The following LINGO2 variants were observed in gnomAD, a reference collection of about 807,000 sequenced individuals.
LINGO2 encodes leucine-rich repeat and immunoglobulin-like domain-containing nogo receptor-interacting protein 2.
LINGO2 carries 14 observed loss-of-function variants against 30.6 expected under a neutral mutation model. The observed-to-expected ratio is 0.46, with a 90% confidence interval of 0.30 to 0.72. The LOEUF is 0.72. Ranked by LOEUF, LINGO2 falls within the 30% of genes least tolerant of loss-of-function variation. The pLI, the probability that LINGO2 is intolerant of heterozygous loss-of-function variation, is 0.07. For synonymous variants in LINGO2, 317 were observed against 288.5 expected (o/e 1.10, Z -1.00); for missense variants, 729 against 751.7 (o/e 0.97, Z 0.35).
At chr9:28,675,407 A>G in the LINGO2 span, among the ~76,000 whole-genome samples, 3 of 152,254 alleles carry the variant, frequency 2.0e-5, no homozygotes, top group Admixed American at 6.5e-5. Flanking sequence ...CGTGATTGTT[A>G]AATAAAAGTC....
the LINGO2 span, among the ~76,000 whole-genome samples, chr9:28,847,827 A>G: frequency 0.023 from 877 of 38,530 alleles, 67 homozygotes; most frequent in African/African-American, 0.061. Flanking sequence ...ATACATATAT[A>G]TGTATAGTAT....
chr9:28,851,487 C>CTAACCT, the LINGO2 span, among the ~76,000 whole-genome samples: 1 of 152,010 alleles, frequency 6.6e-6, no homozygotes, highest in African/African-American at 2.4e-5. Flanking sequence ...AAGGTCAGCC[C>CTAACCT]TAACCTTAAA....
chr9:28,147,989 G>A lies in LINGO2; in HGVS notation c.-86-135584C>T, dbSNP rs1827863901. On this transcript the variant is annotated intron_variant, in intron 4 of 5. Transcript: ENST00000379992. This position sits in a 1 kb window ranked among gnomAD's most constrained non-coding sequence, Gnocchi z 4.7. ...GTCTGTGCACAACTCACTCAAAATG[G>A]GCAACTCATTAAGCATATTTTGTTC... Among the ~76,000 whole-genome samples, 1 of 152,152 alleles carries A rather than the reference G, an allele frequency of 6.6e-6. No individual in the cohort carries two copies. Among genetic ancestry groups the A allele is most frequent in the South Asian group, 2.1e-4 (1 of 4,826 alleles).
chr9:28,086,470 A>G (rs969223235), intron 4 of LINGO2, among the ~76,000 whole-genome samples: 14 of 152,226 alleles, frequency 9.2e-5, no homozygotes, highest in Non-Finnish European at 7.4e-5. Flanking sequence ...AGCTTTCCTC[A>G]TTTGAAACAA....
chr9:29,168,353 A>G, the LINGO2 span, among the ~76,000 whole-genome samples: 1 of 152,148 alleles, frequency 6.6e-6, no homozygotes, highest in African/African-American at 2.4e-5. Context: ...ATTGTCTCAC[A>G]TTTTCCTTGC....
chr9:28,808,321 G>T, the LINGO2 span, among the ~76,000 whole-genome samples: 5 of 152,246 alleles, frequency 3.3e-5, no homozygotes, highest in African/African-American at 1.2e-4. Context: ...ATCTTAAACT[G>T]ATTTCATTGC....
At chr9:29,084,341 T>C in the LINGO2 span, among the ~76,000 whole-genome samples, 1 of 152,094 alleles carries the variant, frequency 6.6e-6, no homozygotes, top group African/African-American at 2.4e-5. Context: ...TAGAAAGATA[T>C]GTCCCATGAC....
chr9:28,750,265 TC>T, the LINGO2 span, among the ~76,000 whole-genome samples: 30 of 152,290 alleles, frequency 2.0e-4, no homozygotes, highest in African/African-American at 6.7e-4. Flanking sequence ...ATTTCATTTT[TC>T]ATTTGCTTTC....
chr9:28,714,489 G>A, the LINGO2 span, among the ~76,000 whole-genome samples: 1 of 152,006 alleles, frequency 6.6e-6, no homozygotes, highest in African/African-American at 2.4e-5. Flanking sequence ...ATATTCTCAT[G>A]AGCCCTACTG....
At chr9:29,067,764 A>C in the LINGO2 span, among the ~76,000 whole-genome samples, 1 of 150,920 alleles carries the variant, frequency 6.6e-6, no homozygotes, top group African/African-American at 2.4e-5. Context: ...TGAAAAAAAA[A>C]AAAAAACCCA....
At chr9:28,036,821 AAAG>A (rs1328176739) in intron 4 of LINGO2, among the ~76,000 whole-genome samples, 1 of 152,264 alleles carries the variant, frequency 6.6e-6, no homozygotes, top group Non-Finnish European at 1.5e-5. Context: ...AGAAAATTCA[AAAG>A]AAGCAGGAGA....
intron 5 of LINGO2, among the ~76,000 whole-genome samples, chr9:27,978,447 AGGGTGAAGT>A (rs1168594775): frequency 5.9e-5 from 9 of 152,024 alleles, no homozygotes; most frequent in Non-Finnish European, 1.3e-4. Context: ...TTAGGTCATG[AGGGTGAAGT>A]CCTAATGAAT....
At chr9:28,478,995 A>C (rs1379327806) in intron 1 of LINGO2, among the ~76,000 whole-genome samples, 1 of 152,008 alleles carries the variant, frequency 6.6e-6, no homozygotes, top group Non-Finnish European at 1.5e-5. Context: ...CCTATAATAC[A>C]TTGTGGTAAA....
At chr9:28,638,836 C>G (rs370377907) in intron 1 of LINGO2, among the ~76,000 whole-genome samples, 1 of 152,054 alleles carries the variant, frequency 6.6e-6, no homozygotes, top group East Asian at 1.9e-4. Context: ...CTGCTCTGAT[C>G]TTAGTTATTT....
chr9:29,054,984 C>T, the LINGO2 span, among the ~76,000 whole-genome samples: 6 of 151,940 alleles, frequency 3.9e-5, no homozygotes, highest in African/African-American at 1.5e-4. Flanking sequence ...TTAGGGAGGC[C>T]GAGGCAGGTG....
the LINGO2 span, among the ~76,000 whole-genome samples, chr9:29,184,517 G>A: frequency 5.3e-5 from 8 of 152,100 alleles, no homozygotes; most frequent in East Asian, 1.9e-4. Flanking sequence ...ACTAAAGCAC[G>A]AGACAATTTC....
chr9:28,770,352 T>C, the LINGO2 span, among the ~76,000 whole-genome samples: 1 of 152,160 alleles, frequency 6.6e-6, no homozygotes, highest in Non-Finnish European at 1.5e-5. Context: ...TTACAAGTCT[T>C]CAGTCTCCCC....
chr9:28,915,655 T>C, the LINGO2 span, among the ~76,000 whole-genome samples: 1 of 152,166 alleles, frequency 6.6e-6, no homozygotes. Flanking sequence ...TAAGGGTACA[T>C]GAAGAATGCT....
At chr9:28,751,814 C>A in the LINGO2 span, among the ~76,000 whole-genome samples, 1 of 151,950 alleles carries the variant, frequency 6.6e-6, no homozygotes, top group African/African-American at 2.4e-5. Flanking sequence ...TTGGCTCCAC[C>A]TGGCCATCAC....
Sources: gnomAD v4.1 joint callset for allele counts (sites outside exome capture counted in the v4.1 genomes callset) on GRCh38, gnomAD v4.1.1 for gene constraint, Gnocchi (gnomAD v3.1) non-coding constraint, MANE v1.5 for transcripts, NCBI Gene and HGNC (gene_info 2026-07-23, HGNC 2026-07-21) for gene names.